The following TP63 variants were observed in gnomAD, a reference collection of about 807,000 sequenced individuals.
The protein encoded by TP63 is tumor protein p63.
TP63 carries 17 observed loss-of-function variants against 82.8 expected under a neutral mutation model. The ratio of observed to expected loss-of-function variants is 0.21; its 90% CI spans 0.14 to 0.31. TP63 has a LOEUF of 0.31. Ranked by LOEUF, TP63 falls within the 10% of genes least tolerant of loss-of-function variation. The pLI, the probability that TP63 is intolerant of heterozygous loss-of-function variation, is 1.00. For synonymous variants in TP63, 330 were observed against 321.7 expected (o/e 1.03, Z -0.28); for missense variants, 648 against 895.3 (o/e 0.72, Z 3.52).
At chr3:189,809,937 A>T (rs1727347754) in intron 4 of TP63, among the ~76,000 whole-genome samples, 1 of 152,118 alleles carries the variant, frequency 6.6e-6, no homozygotes, top group African/African-American at 2.4e-5. Flanking sequence ...CCTGTTTTTC[A>T]TTTCTGCTTC....
chr3:189,597,653 G>GTCT, the TP63 span, among the ~76,000 whole-genome samples: 1 of 152,196 alleles, frequency 6.6e-6, no homozygotes, highest in Non-Finnish European at 1.5e-5. Flanking sequence ...GGCCTGGTGC[G>GTCT]GTGGCTCATG....
At chr3:189,864,565 T>C in intron 5 of TP63, 147 bp downstream of exon 5, 1 of 619,636 alleles carries the variant, frequency 1.6e-6, no homozygotes, top group East Asian at 3.0e-5. Context: ...TTTTTTTTTT[T>C]GGCTGACAGT....
In TP63 at chr3:189,643,454, TTAAAA is replaced by T. The variant is rs764197286; in HGVS notation, c.62+11878_62+11882del. Among the ~76,000 whole-genome samples, 430 of 110,486 alleles carry T rather than the reference TTAAAA, an allele frequency of 3.9e-3. 1 individual carries two copies. The highest frequency in any genetic ancestry group is 6.5e-3 in the Non-Finnish European group (314 of 48,392). 72.5% of individuals were successfully genotyped at this position (110,486 alleles called of 152,430 possible). On this transcript the variant is annotated intron_variant, in intron 1 of 13. Transcript: ENST00000264731. ...CTTCAAAAGCTATCCTTTAAACTGA[TTAAAA>T]AAAAAAAACCCTCAATGCTTTTGCT...
At chr3:189,700,920 C>A (rs1717754154) in intron 1 of TP63, among the ~76,000 whole-genome samples, 1 of 152,074 alleles carries the variant, frequency 6.6e-6, no homozygotes, top group African/African-American at 2.4e-5. Flanking sequence ...TAATATCACC[C>A]AAATCTCTTT....
At chr3:189,651,747 A>G (rs947299463) in intron 1 of TP63, among the ~76,000 whole-genome samples, 1 of 146,290 alleles carries the variant, frequency 6.8e-6, no homozygotes, top group African/African-American at 2.6e-5. Flanking sequence ...GAGGGAAAAA[A>G]TGGTTTCCTG....
chr3:189,668,291 A>T (rs137983054), intron 1 of TP63, among the ~76,000 whole-genome samples: 229 of 152,274 alleles, frequency 1.5e-3, no homozygotes, highest in Middle Eastern at 0.01. Context: ...TATAAAATTG[A>T]AAAAATTAAA....
chr3:189,808,599 C>G lies in TP63; in HGVS notation c.579+73C>G, dbSNP rs1727192688. ...GGGCTTCACCACGTCCCAGGGATTT[C>G]TCCCCCTTCCCAGTTTAGCGATTCC... On this transcript the variant is annotated intron_variant, in intron 4 of 13. Coordinates refer to ENST00000264731, the MANE Select transcript of TP63 (RefSeq NM_003722.5). 30 of 1,604,676 alleles carry G rather than the reference C, an allele frequency of 1.9e-5. No individual in the cohort carries two copies. In the South Asian group the frequency reaches 2.5e-4, roughly 14 times the overall value.
At chr3:189,875,593 C>CATATATATATATATATAT (rs774764336) in intron 10 of TP63, among the ~76,000 whole-genome samples, 5 of 40,754 alleles carry the variant, frequency 1.2e-4, no homozygotes, top group Non-Finnish European at 1.3e-4. Context: ...AAAATACATA[C>CATATATATATATATATAT]ATATATATAT....
intron 4 of TP63, among the ~76,000 whole-genome samples, chr3:189,863,507 C>T (rs1412038651): frequency 6.6e-6 from 1 of 152,150 alleles, no homozygotes; most frequent in Non-Finnish European, 1.5e-5. Flanking sequence ...GGAAAAATTT[C>T]ACTCACTTGT....
At chr3:189,749,769 CAATT>C (rs1485671809) in intron 3 of TP63, among the ~76,000 whole-genome samples, 1 of 152,000 alleles carries the variant, frequency 6.6e-6, no homozygotes, top group Non-Finnish European at 1.5e-5. Flanking sequence ...ATGTGTCCAT[CAATT>C]AATAAAGAAA....
chr3:189,766,895 G>T (rs1172701943), intron 3 of TP63, among the ~76,000 whole-genome samples: 3 of 152,114 alleles, frequency 2.0e-5, no homozygotes, highest in East Asian at 1.9e-4. Flanking sequence ...GAGTGACAGG[G>T]ATTAAACTCT....
At chr3:189,757,547 AC>A (rs1722270374) in intron 3 of TP63, among the ~76,000 whole-genome samples, 1 of 152,162 alleles carries the variant, frequency 6.6e-6, no homozygotes, top group Admixed American at 6.5e-5. Flanking sequence ...TAGTCTTTAG[AC>A]TGTGTTAAAT....
In TP63 at chr3:189,897,089, G is replaced by T; in HGVS notation, c.*2587G>T. On this transcript the variant is annotated 3_prime_UTR_variant, in exon 14 of 14. Coordinates refer to ENST00000264731, the MANE Select transcript of TP63 (RefSeq NM_003722.5). ...GTACAAAATTAAGCAAATGTTAAAA[G>T]TTTTATATGCTTTATTAATGTTTTC... 4.5e-6 allele frequency: 1 copy of T among 223,444 alleles called. No individual in the cohort carries two copies. Among genetic ancestry groups the T allele is most frequent in the East Asian group, 6.6e-5 (1 of 15,156 alleles). The allele number at this position is 223,444 out of a possible 1,614,324, so 13.8% of individuals were successfully genotyped here.
chr3:189,779,605 G>A lies in TP63; in HGVS notation c.325-28667G>A, dbSNP rs79924478. On this transcript the variant is annotated intron_variant, in intron 3 of 13. Transcript: ENST00000264731. ...ATTCCTGCACAATGTTCAGGCATGC[G>A]TGCAAGACAGTAATCTCTTCTGTGA... is the stretch of plus-strand genomic sequence containing the variant. Among the ~76,000 whole-genome samples the A allele has an allele frequency of 2.5e-3, 386 of 152,308 alleles. 1 individual carries two copies. The highest frequency in any genetic ancestry group is 8.9e-3 in the African/African-American group (371 of 41,566).
At chr3:189,845,096 G>A (rs1243051730) in intron 4 of TP63, among the ~76,000 whole-genome samples, 1 of 152,204 alleles carries the variant, frequency 6.6e-6, no homozygotes, top group Middle Eastern at 3.2e-3. Context: ...TGTTTTAGGA[G>A]AGCACTAAGT....
At chr3:189,688,388 G>A (rs1716612699) in intron 1 of TP63, among the ~76,000 whole-genome samples, 1 of 152,146 alleles carries the variant, frequency 6.6e-6, no homozygotes, top group Admixed American at 6.6e-5. Flanking sequence ...CCCTTCTTTA[G>A]TGCCTGGGGA....
At chr3:189,786,446 AACACAC>A (rs59747587) in intron 3 of TP63, among the ~76,000 whole-genome samples, 15,361 of 146,960 alleles carry the variant, frequency 0.1, 927 homozygotes, top group East Asian at 0.33. Flanking sequence ...GACATACCTA[AACACAC>A]ACACACACAC....
chr3:189,748,508 CAA>C (rs58926854), intron 3 of TP63, among the ~76,000 whole-genome samples: 4,171 of 31,782 alleles, frequency 0.13, 61 homozygotes, highest in Admixed American at 0.17. Context: ...AGGAAAACTA[CAA>C]AAAAAAAAAA....
At chr3:189,661,807 G>A (rs1290570236) in intron 1 of TP63, among the ~76,000 whole-genome samples, 1 of 151,928 alleles carries the variant, frequency 6.6e-6, no homozygotes, top group African/African-American at 2.4e-5. Context: ...GAGAGGTTGT[G>A]TTTCTAGAAA....
Sources: allele counts gnomAD v4.1 joint callset (sites outside exome capture counted in the v4.1 genomes callset), GRCh38; gene constraint gnomAD v4.1.1; transcripts MANE v1.5; gene names NCBI Gene and HGNC (gene_info 2026-07-23, HGNC 2026-07-21).